CDR2: variants seen among roughly 807,000 people sequenced by gnomAD.
CDR2 encodes cerebellar degeneration related protein 2.
Under a neutral mutation model 48.4 loss-of-function variants are expected in CDR2, and 34 were observed. That is an observed-to-expected ratio of 0.70 (90% CI 0.53 to 0.94). CDR2 has a LOEUF of 0.94. CDR2 is among the 40% of genes least tolerant of loss of function. CDR2 has a pLI of 0.00. For synonymous variants in CDR2, 240 were observed against 219.7 expected (o/e 1.09, Z -0.82); for missense variants, 498 against 549.5 (o/e 0.91, Z 0.94).
chr16:22,361,189 G>T (rs577566242), intron 2 of CDR2, among the ~76,000 whole-genome samples: 1 of 152,320 alleles, frequency 6.6e-6, no homozygotes, highest in South Asian at 2.1e-4. Context: ...CAGATGAGCT[G>T]ATAATGCTCT....
At chr16:22,362,288 T>TA (rs1393563662) in intron 2 of CDR2, among the ~76,000 whole-genome samples, 1 of 152,232 alleles carries the variant, frequency 6.6e-6, no homozygotes, top group Non-Finnish European at 1.5e-5. Context: ...TAATATTAGA[T>TA]AATAAAGTGT....
intron 2 of CDR2, among the ~76,000 whole-genome samples, chr16:22,352,182 G>A (rs1055804982): frequency 5.3e-5 from 8 of 152,160 alleles, no homozygotes; most frequent in African/African-American, 1.9e-4. Flanking sequence ...AACGTGGGAG[G>A]TGAACGTTGC....
At chr16:22,358,842 T>C (rs940705218) in intron 2 of CDR2, among the ~76,000 whole-genome samples, 1 of 152,184 alleles carries the variant, frequency 6.6e-6, no homozygotes, top group African/African-American at 2.4e-5. Context: ...TGGGATTAGA[T>C]TGTTTTTAAA....
At chr16:22,372,526 G>A (rs1322149221) in intron 1 of CDR2, among the ~76,000 whole-genome samples, 1 of 152,190 alleles carries the variant, frequency 6.6e-6, no homozygotes, top group Non-Finnish European at 1.5e-5. Flanking sequence ...ACAGGAAAGA[G>A]AAATATTTAG....
chr16:22,353,440 C>T (rs1177683761), intron 2 of CDR2, among the ~76,000 whole-genome samples: 4 of 152,194 alleles, frequency 2.6e-5, no homozygotes, highest in Admixed American at 6.5e-5. Context: ...TCCTCATCAA[C>T]TACTTCATAA....
At chr16:22,347,888 G>A (rs766082012) in intron 4 of CDR2, 65 bp from the exon 5 acceptor site, 11 of 1,429,746 alleles carry the variant, frequency 7.7e-6, no homozygotes, top group Middle Eastern at 3.7e-4. Flanking sequence ...GAGGAAGACT[G>A]GTGATTTTTT....
intron 2 of CDR2, among the ~76,000 whole-genome samples, chr16:22,358,417 A>T (rs535758960): frequency 6.6e-6 from 1 of 152,316 alleles, no homozygotes; most frequent in South Asian, 2.1e-4. Flanking sequence ...CACCTCAACT[A>T]TGAGTACAAG....
chr16:22,364,980 T>C lies in CDR2; in HGVS notation c.114A>G (p.Leu38=). Residue 38 remains leucine (L), a synonymous_variant, in exon 2 of 5, where the codon TTA becomes TTG. Transcript: ENST00000268383. ...LQLAAELGKT[L]LDRNTELEDS... is the part of the protein sequence containing the mutation. ...CCTCCAACTCTGTGTTCCGATCCAG[T>C]AATGTCTTCCCAAGCTCAGCAGCAA... is the stretch of plus-strand genomic sequence containing the variant. 3.7e-6 allele frequency: 6 copies of C among 1,613,382 alleles called. No homozygotes were observed. The highest frequency in any genetic ancestry group is 5.1e-6 in the Non-Finnish European group (6 of 1,179,324).
chr16:22,367,781 A>G (rs1214909374), intron 1 of CDR2, among the ~76,000 whole-genome samples: 1 of 152,240 alleles, frequency 6.6e-6, no homozygotes, highest in East Asian at 1.9e-4. Context: ...TGGAAAAAGC[A>G]GCAAAACCTA....
chr16:22,368,517 T>C (rs973897122), intron 1 of CDR2, among the ~76,000 whole-genome samples: 1 of 152,248 alleles, frequency 6.6e-6, no homozygotes. Flanking sequence ...AGCCTACTTT[T>C]TGTTTTCTAG....
At chr16:22,348,062 C>T (rs550752163) in intron 4 of CDR2, among the ~76,000 whole-genome samples, 11 of 152,084 alleles carry the variant, frequency 7.2e-5, no homozygotes, top group Non-Finnish European at 1.5e-4. Context: ...CTCAGCCTCC[C>T]GAGTAACTGG....
chr16:22,351,309 T>G (rs1300926551), intron 2 of CDR2, among the ~76,000 whole-genome samples: 1 of 152,234 alleles, frequency 6.6e-6, no homozygotes, highest in Non-Finnish European at 1.5e-5. Context: ...TTGTGAATAG[T>G]GCCGCAATAA....
intron 2 of CDR2, among the ~76,000 whole-genome samples, chr16:22,353,319 TG>T (rs1278426355): frequency 2.0e-5 from 3 of 152,128 alleles, no homozygotes; most frequent in Non-Finnish European, 4.4e-5. Context: ...TGGGAGGCAG[TG>T]GTATAGTAGC....
At chr16:22,362,176 C>T (rs1275235137) in intron 2 of CDR2, among the ~76,000 whole-genome samples, 1 of 152,208 alleles carries the variant, frequency 6.6e-6, no homozygotes, top group African/African-American at 2.4e-5. Flanking sequence ...GCTAGGATTA[C>T]AGGCGTGAGC....
intron 2 of CDR2, among the ~76,000 whole-genome samples, chr16:22,360,218 C>G (rs1274411427): frequency 6.6e-6 from 1 of 152,108 alleles, no homozygotes; most frequent in African/African-American, 2.4e-5. Context: ...AGAGTTCTCT[C>G]CTCCCCTCCT....
chr16:22,368,581 C>T (rs1183940807), intron 1 of CDR2, among the ~76,000 whole-genome samples: 1 of 152,192 alleles, frequency 6.6e-6, no homozygotes, highest in Non-Finnish European at 1.5e-5. Context: ...TCAGATGAGA[C>T]AGCCTGAAGC....
At chr16:22,352,309 A>G (rs2048947836) in intron 2 of CDR2, among the ~76,000 whole-genome samples, 1 of 152,158 alleles carries the variant, frequency 6.6e-6, no homozygotes. Flanking sequence ...TTGCAAGGCT[A>G]ACAAACAATG....
chr16:22,349,989 G>C, intron 2 of CDR2, 140 bp from the exon 3 acceptor site: 1 of 684,368 alleles, frequency 1.5e-6, no homozygotes, highest in Middle Eastern at 3.0e-4. Flanking sequence ...AGGAATTCGA[G>C]ACCAGCCTGA....
At chr16:22,365,741 C>T (rs1248458917) in intron 1 of CDR2, among the ~76,000 whole-genome samples, 2 of 152,162 alleles carry the variant, frequency 1.3e-5, no homozygotes, top group East Asian at 3.8e-4. Flanking sequence ...TTATACTCAA[C>T]TCCCAGAAAT....
Sources: allele counts gnomAD v4.1 joint callset (sites outside exome capture counted in the v4.1 genomes callset), GRCh38; gene constraint gnomAD v4.1.1; transcripts MANE v1.5; gene names NCBI Gene and HGNC (gene_info 2026-07-23, HGNC 2026-07-21).